EHBP1: variants seen among roughly 807,000 people sequenced by gnomAD.
EHBP1 encodes EH domain-binding protein 1.
In EHBP1, 55 loss-of-function variants were observed where a neutral mutation model predicts 144.0. The observed-to-expected ratio is 0.38, with a 90% CI of 0.31 to 0.48. EHBP1 has a LOEUF of 0.48. EHBP1 is among the 20% of genes least tolerant of loss of function. The pLI, the probability that EHBP1 is intolerant of heterozygous loss-of-function variation, is 0.98. For synonymous variants in EHBP1, 469 were observed against 472.7 expected, an observed-to-expected ratio of 0.99 and a Z score of 0.10; for missense variants, 1,200 against 1,364.2, an observed-to-expected ratio of 0.88 and a Z score of 1.90.
chr2:62,897,720 C>A (rs1158747482), intron 10 of EHBP1, among the ~76,000 whole-genome samples: 1 of 152,146 alleles, frequency 6.6e-6, no homozygotes, highest in Non-Finnish European at 1.5e-5. Context: ...ATGTATTTTC[C>A]TTCCAAACTT....
Position 63,045,278 on chromosome 2 carries a change from C to A in EHBP1, c.3392+98C>A. On this transcript the variant is annotated intron_variant, in intron 22 of 22. Coordinates refer to ENST00000431489, the MANE Select transcript of EHBP1 (RefSeq NM_001142616.3). The surrounding 1 kb of genome is among the most constrained non-coding windows in gnomAD (Gnocchi z 5.7). ...TCCAGAGGTCGCGGGAGGGCCGGGGCAGCCTCCCACTGGCCTGGTGCTCCC... is the reference window on the plus strand; with the variant it reads ...TCCAGAGGTCGCGGGAGGGCCGGGGAAGCCTCCCACTGGCCTGGTGCTCCC... 7.3e-7 allele frequency: 1 copy of A among 1,367,168 alleles called. No individual in the cohort carries two copies. The highest frequency in any genetic ancestry group is 1.0e-6 in the Non-Finnish European group (1 of 981,686). The allele number at this position is 1,367,168 out of a possible 1,614,324, so 84.7% of individuals were successfully genotyped here.
At chr2:62,796,534 A>G (rs1315056893) in intron 5 of EHBP1, among the ~76,000 whole-genome samples, 4 of 152,206 alleles carry the variant, frequency 2.6e-5, no homozygotes, top group Non-Finnish European at 4.4e-5. Context: ...AATACACTCT[A>G]AAAGTTTTAC....
At chr2:62,960,680 C>A (rs1347416132) in intron 14 of EHBP1, among the ~76,000 whole-genome samples, 2 of 152,022 alleles carry the variant, frequency 1.3e-5, no homozygotes, top group Non-Finnish European at 2.9e-5. Flanking sequence ...CTGAGTGTCA[C>A]CTAATAAAAA....
At chr2:62,878,597 A>T (rs2051093747) in intron 10 of EHBP1, among the ~76,000 whole-genome samples, 1 of 152,242 alleles carries the variant, frequency 6.6e-6, no homozygotes, top group African/African-American at 2.4e-5. Flanking sequence ...ACCCAGCAGC[A>T]CATCAAAATG....
chr2:62,726,263 A>T (rs931204214), intron 2 of EHBP1, among the ~76,000 whole-genome samples: 1 of 152,198 alleles, frequency 6.6e-6, no homozygotes, highest in Non-Finnish European at 1.5e-5. Flanking sequence ...ATTGTGGTGG[A>T]GGAGTCTCCT....
chr2:62,774,165 G>A (rs1179634619), intron 5 of EHBP1, among the ~76,000 whole-genome samples: 4 of 152,082 alleles, frequency 2.6e-5, no homozygotes, highest in African/African-American at 9.7e-5. Context: ...GAGGTCAGGA[G>A]TTGGAGACCA....
At chr2:62,916,829 T>TA (rs1421846729) in intron 10 of EHBP1, among the ~76,000 whole-genome samples, 1 of 149,946 alleles carries the variant, frequency 6.7e-6, no homozygotes, top group Non-Finnish European at 1.5e-5. Flanking sequence ...CAAATTTTAT[T>TA]AAAATATAAA....
chr2:62,716,498 T>C (rs1415033970), intron 2 of EHBP1, among the ~76,000 whole-genome samples: 3 of 152,234 alleles, frequency 2.0e-5, no homozygotes, highest in Non-Finnish European at 4.4e-5. Context: ...TGAGGGCAGA[T>C]TGGCTTTCCA....
At chr2:62,760,656 T>A (rs73934285) in intron 3 of EHBP1, among the ~76,000 whole-genome samples, 1 of 152,170 alleles carries the variant, frequency 6.6e-6, no homozygotes, top group Admixed American at 6.5e-5. Context: ...TTCCCACTTT[T>A]GATCACTGTG....
intron 10 of EHBP1, among the ~76,000 whole-genome samples, chr2:62,921,559 TACAC>T (rs933146464): frequency 8.6e-5 from 12 of 139,438 alleles, no homozygotes; most frequent in African/African-American, 3.2e-4. Flanking sequence ...AAAAAAAAAA[TACAC>T]ACAAAAGAAG....
chr2:62,685,646 A>G (rs1199383332), intron 1 of EHBP1, among the ~76,000 whole-genome samples: 1 of 152,234 alleles, frequency 6.6e-6, no homozygotes, highest in Non-Finnish European at 1.5e-5. Flanking sequence ...ACTTTGATAT[A>G]TGAATTTGAT....
intron 5 of EHBP1, among the ~76,000 whole-genome samples, chr2:62,797,573 G>A (rs554666016): frequency 6.6e-6 from 1 of 152,314 alleles, no homozygotes; most frequent in Admixed American, 6.5e-5. Flanking sequence ...AGTATGTGAA[G>A]AGCCAAGTTC....
At chr2:62,839,637 A>T (rs1158925218) in intron 7 of EHBP1, among the ~76,000 whole-genome samples, 2 of 149,512 alleles carry the variant, frequency 1.3e-5, no homozygotes, top group East Asian at 3.9e-4. Context: ...AAGCAACTTC[A>T]GCAAAGTCTC....
rs184996138 is a variant in EHBP1, at chr2:62,975,750, T to A, written c.2461-3438T>A. On this transcript the variant is annotated intron_variant, in intron 14 of 22. Transcript: ENST00000431489. ...ATTAAAAAGAAAAAAAAATTTTTTT[T>A]AAACTACAGCTACCATGCCTGTAGT... Among the ~76,000 whole-genome samples the A allele has an allele frequency of 6.6e-5, 10 of 152,088 alleles. No individual in the cohort carries two copies. In the East Asian group the frequency reaches 1.7e-3, roughly 26 times the overall value.
chr2:62,749,273 A>G (rs1573107924), intron 3 of EHBP1, among the ~76,000 whole-genome samples: 1 of 152,130 alleles, frequency 6.6e-6, no homozygotes, highest in Non-Finnish European at 1.5e-5. Flanking sequence ...GCTGAGAGTG[A>G]TGGTTTCCAG....
intron 11 of EHBP1, among the ~76,000 whole-genome samples, chr2:62,943,206 G>A (rs1166694227): frequency 4.0e-5 from 6 of 151,868 alleles, no homozygotes; most frequent in African/African-American, 7.3e-5. Flanking sequence ...GAGAAACACC[G>A]TCTCTACTAA....
At chr2:62,866,942 A>C (rs1027927636) in intron 9 of EHBP1, among the ~76,000 whole-genome samples, 1 of 152,174 alleles carries the variant, frequency 6.6e-6, no homozygotes, top group African/African-American at 2.4e-5. Context: ...AAAACAACTC[A>C]AGCCAGAAGA....
intron 2 of EHBP1, among the ~76,000 whole-genome samples, chr2:62,720,831 A>G (rs1416701838): frequency 6.6e-6 from 1 of 151,638 alleles, no homozygotes; most frequent in East Asian, 1.9e-4. Flanking sequence ...GATGAGCTTT[A>G]AAAAAAACTC....
chr2:62,805,952 A>T (rs2044416520), intron 5 of EHBP1, among the ~76,000 whole-genome samples: 1 of 151,898 alleles, frequency 6.6e-6, no homozygotes, highest in Non-Finnish European at 1.5e-5. Flanking sequence ...TCATCGAATT[A>T]ATGTCTACTT....
Sources: gnomAD v4.1 joint callset for allele counts (sites outside exome capture counted in the v4.1 genomes callset) on GRCh38, gnomAD v4.1.1 for gene constraint, Gnocchi (gnomAD v3.1) non-coding constraint, MANE v1.5 for transcripts, NCBI Gene and HGNC (gene_info 2026-07-23, HGNC 2026-07-21) for gene names.